The following TACR3 variants were observed in gnomAD, a reference collection of about 807,000 sequenced individuals.
The protein encoded by TACR3 is tachykinin receptor 3, also known as neuromedin-K receptor.
TACR3 carries 34 observed loss-of-function variants against 35.0 expected under a neutral mutation model. The observed-to-expected ratio is 0.97, with a 90% confidence interval of 0.74 to 1.30. The LOEUF (loss-of-function observed/expected upper bound fraction) is 1.30. Ranked by LOEUF, TACR3 falls within the 50% of genes most tolerant of loss-of-function variation. TACR3 has a pLI of 0.00. For missense variants in TACR3, 558 were observed against 591.7 expected, an observed-to-expected ratio of 0.94 and a Z score of 0.59; for synonymous variants, 233 against 221.1, an observed-to-expected ratio of 1.05 and a Z score of -0.48.
intron 3 of TACR3, among the ~76,000 whole-genome samples, chr4:103,595,997 G>C (rs1023284250): frequency 6.7e-6 from 1 of 149,150 alleles, no homozygotes; most frequent in Non-Finnish European, 1.5e-5. Flanking sequence ...GAGAATATGT[G>C]GTGTTTGGTT....
chr4:103,600,756 G>T (rs60217972), intron 3 of TACR3, among the ~76,000 whole-genome samples: 2,483 of 152,262 alleles, frequency 0.016, 55 homozygotes, highest in African/African-American at 0.057. Context: ...CATTTTCCAT[G>T]TAGTTGAGCA....
chr4:103,679,476 C>G (rs79432172), intron 1 of TACR3, among the ~76,000 whole-genome samples: 5,585 of 151,998 alleles, frequency 0.037, 114 homozygotes, highest in Non-Finnish European at 0.049. Flanking sequence ...AGTAGTAGTA[C>G]TTTTGGTTTT....
At chr4:103,600,881 T>C (rs1357047111) in intron 3 of TACR3, among the ~76,000 whole-genome samples, 1 of 152,138 alleles carries the variant, frequency 6.6e-6, no homozygotes, top group Non-Finnish European at 1.5e-5. Flanking sequence ...TACTTCCAAC[T>C]ATGTGGTCAG....
chr4:103,608,804 G>C (rs1724445133), intron 3 of TACR3, among the ~76,000 whole-genome samples: 1 of 152,042 alleles, frequency 6.6e-6, no homozygotes, highest in Admixed American at 6.6e-5. Flanking sequence ...TGATTGTAGA[G>C]AGTATATCAA....
intron 3 of TACR3, among the ~76,000 whole-genome samples, chr4:103,615,591 C>G (rs1724636349): frequency 6.6e-6 from 1 of 152,072 alleles, no homozygotes; most frequent in South Asian, 2.1e-4. Flanking sequence ...CCTTGAATAG[C>G]TTTCCTATTA....
chr4:103,701,421 C>A (rs1356599004), intron 1 of TACR3, among the ~76,000 whole-genome samples: 1 of 151,726 alleles, frequency 6.6e-6, no homozygotes, highest in Non-Finnish European at 1.5e-5. Flanking sequence ...AATGGAAGAA[C>A]ATTCCATGCT....
chr4:103,616,781 T>C (rs561860988), intron 3 of TACR3, among the ~76,000 whole-genome samples: 1 of 152,130 alleles, frequency 6.6e-6, no homozygotes, highest in African/African-American at 2.4e-5. Context: ...ACCCTGTCTC[T>C]ACCAAAAAAT....
At chr4:103,610,430 G>A (rs112531078) in intron 3 of TACR3, among the ~76,000 whole-genome samples, 5 of 151,884 alleles carry the variant, frequency 3.3e-5, no homozygotes, top group African/African-American at 9.7e-5. Flanking sequence ...CTTCTTTTGG[G>A]AAATGTCTAC....
intron 1 of TACR3, among the ~76,000 whole-genome samples, chr4:103,712,052 G>C (rs1036538282): frequency 1.3e-5 from 2 of 152,160 alleles, no homozygotes; most frequent in African/African-American, 4.8e-5. Context: ...TCAATATTGT[G>C]AAAATGGCCA....
intron 1 of TACR3, among the ~76,000 whole-genome samples, chr4:103,658,777 A>T (rs1196625903): frequency 1.3e-5 from 2 of 152,126 alleles, no homozygotes; most frequent in Non-Finnish European, 2.9e-5. Flanking sequence ...TTTTCCATGG[A>T]CTGGCAGTGG....
chr4:103,703,696 T>C (rs917707323), intron 1 of TACR3, among the ~76,000 whole-genome samples: 1 of 152,026 alleles, frequency 6.6e-6, no homozygotes, highest in Non-Finnish European at 1.5e-5. Context: ...TGATGAGGCA[T>C]AGGGAAGAAA....
chr4:103,659,115 C>T (rs1725787695), intron 1 of TACR3, among the ~76,000 whole-genome samples: 1 of 152,152 alleles, frequency 6.6e-6, no homozygotes, highest in Non-Finnish European at 1.5e-5. Flanking sequence ...AGTAATGCAG[C>T]ACTGGGGAAT....
intron 3 of TACR3, among the ~76,000 whole-genome samples, chr4:103,640,543 A>G (rs79713737): frequency 0.03 from 4,551 of 151,764 alleles, 225 homozygotes; most frequent in African/African-American, 0.1. Flanking sequence ...GGTTTGTTTG[A>G]ATTCCTTATG....
intron 3 of TACR3, among the ~76,000 whole-genome samples, chr4:103,641,814 C>T (rs1006466773): frequency 1.3e-5 from 2 of 151,806 alleles, no homozygotes; most frequent in African/African-American, 2.4e-5. Flanking sequence ...GGAGATTCTG[C>T]CATTTGCAAT....
At chr4:103,699,564 G>A (rs1180252495) in intron 1 of TACR3, among the ~76,000 whole-genome samples, 3 of 152,182 alleles carry the variant, frequency 2.0e-5, no homozygotes, top group Non-Finnish European at 2.9e-5. Context: ...GGAAACAGGA[G>A]TAAGGGTAAG....
At chr4:103,687,024 A>G (rs976151072) in intron 1 of TACR3, among the ~76,000 whole-genome samples, 1 of 152,192 alleles carries the variant, frequency 6.6e-6, no homozygotes, top group Non-Finnish European at 1.5e-5. Context: ...CGAATCCAGC[A>G]GCACATCAAA....
rs7440071 is a variant in TACR3 at position 103,677,573 on chromosome 4, G to T, written c.549-19170C>A. Among the ~76,000 whole-genome samples, 692 of 152,274 alleles carry T rather than the reference G, an allele frequency of 4.5e-3. 3 individuals are homozygous for T. Among genetic ancestry groups the T allele is most frequent in the African/African-American group, 0.015 (635 of 41,556 alleles). ...CTTTGCAGGGACATAAATTGAGTTG[G>T]AGGCTATTATCCTTAGCAAACTAAT... On this transcript the variant is annotated intron_variant, in intron 1 of 4. Coordinates refer to ENST00000304883, the MANE Select transcript of TACR3 (RefSeq NM_001059.3).
At chr4:103,666,931 A>G (rs1465666910) in intron 1 of TACR3, among the ~76,000 whole-genome samples, 4 of 152,132 alleles carry the variant, frequency 2.6e-5, no homozygotes, top group Admixed American at 2.0e-4. Flanking sequence ...TGCTTCATAA[A>G]GTCACTTCAG....
intron 1 of TACR3, among the ~76,000 whole-genome samples, chr4:103,687,423 AG>A (rs1256209763): frequency 2.0e-5 from 3 of 152,278 alleles, no homozygotes; most frequent in African/African-American, 7.2e-5. Context: ...AAGGAAATAA[AG>A]GGTATTCAGT....
Sources: gnomAD v4.1 joint callset for allele counts (sites outside exome capture counted in the v4.1 genomes callset) on GRCh38, gnomAD v4.1.1 for gene constraint, MANE v1.5 for transcripts, NCBI Gene and HGNC (gene_info 2026-07-23, HGNC 2026-07-21) for gene names.